Variants in PNPLA1 observed in about 807,000 individuals in gnomAD.
The protein encoded by PNPLA1 is omega-hydroxyceramide transacylase.
PNPLA1 carries 36 observed loss-of-function variants against 51.7 expected under a neutral mutation model. The ratio of observed to expected loss-of-function variants is 0.70; its 90% CI spans 0.53 to 0.92. The LOEUF is 0.92. PNPLA1 is among the 40% of genes least tolerant of loss of function. The pLI is 0.00. For synonymous variants in PNPLA1, 293 were observed against 280.1 expected, an observed-to-expected ratio of 1.05 and a Z score of -0.46; for missense variants, 658 against 682.5, an observed-to-expected ratio of 0.96 and a Z score of 0.40.
chr6:36,302,860 G>A (rs1771110636), intron 6 of PNPLA1, among the ~76,000 whole-genome samples: 1 of 152,166 alleles, frequency 6.6e-6, no homozygotes, highest in African/African-American at 2.4e-5. Flanking sequence ...TGGGCCAGTA[G>A]ATTTTTACTG....
intron 7 of PNPLA1, 40 bp downstream of exon 7, chr6:36,306,416 C>T (rs767621138): frequency 1.5e-5 from 24 of 1,551,464 alleles, no homozygotes; most frequent in South Asian, 9.3e-5. Context: ...TTCCTTTGGA[C>T]GGAAGAAGCA....
Position 36,245,841 on chromosome 6 carries a change from C to A in PNPLA1, c.-81+2580C>A, listed in dbSNP as rs187273959. ...TCATTGGCTGAGGAGGAAACCCAGGCTCCCTGACTCCCCGCACAGTTTCAC... is the reference window on the plus strand; with the variant it reads ...TCATTGGCTGAGGAGGAAACCCAGGATCCCTGACTCCCCGCACAGTTTCAC... On this transcript the variant is annotated intron_variant, in intron 1 of 7. Transcript: ENST00000312917. 4.1e-4 allele frequency among the ~76,000 whole-genome samples: 63 copies of A among 152,346 alleles called. No homozygotes were observed. In the East Asian group the frequency reaches 0.012, roughly 29 times the overall value.
intron 8 of PNPLA1, chr6:36,308,489 A>C (rs1212752036): frequency 6.6e-6 from 1 of 152,162 alleles, no homozygotes; most frequent in South Asian, 2.1e-4. Context: ...TAGCTTTTTG[A>C]CTATATTATG....
intron 5 of PNPLA1, among the ~76,000 whole-genome samples, chr6:36,301,078 G>A (rs1232071504): frequency 6.6e-6 from 1 of 151,926 alleles, no homozygotes; most frequent in African/African-American, 2.4e-5. Context: ...TCTTATTTAA[G>A]GGCTGTTATG....
chr6:36,266,785 G>T (rs773699612), upstream of PNPLA1, among the ~76,000 whole-genome samples: 18 of 152,236 alleles, frequency 1.2e-4, no homozygotes, highest in Non-Finnish European at 2.1e-4. Context: ...TAAGCTGGAA[G>T]TTAGGCCTCA....
In PNPLA1 at chr6:36,270,070, C is replaced by G. The variant is rs527324636; in HGVS notation, c.-390C>G. Among the ~76,000 whole-genome samples, 2 of 152,378 alleles carry G rather than the reference C, an allele frequency of 1.3e-5. No individual in the cohort carries two copies. The highest frequency in any genetic ancestry group is 3.9e-4 in the East Asian group (2 of 5,180). ...AGAGCCCGCCTCCTTGGGCATGGCC[C>G]TGTGCTGGGGAGCAGTGAATGCGCC... On this transcript the variant is annotated 5_prime_UTR_variant, in exon 1 of 9. Transcript: ENST00000636260.
intron 1 of PNPLA1, among the ~76,000 whole-genome samples, chr6:36,279,231 G>A (rs759663882): frequency 7.2e-5 from 11 of 152,194 alleles, no homozygotes; most frequent in Non-Finnish European, 1.3e-4. Context: ...CCCCTGCCCC[G>A]CAAATGTGTG....
upstream of PNPLA1, among the ~76,000 whole-genome samples, chr6:36,268,864 G>C (rs188032178): frequency 1.6e-4 from 24 of 152,254 alleles, no homozygotes; most frequent in East Asian, 4.4e-3. Context: ...TCCCAGGAAG[G>C]GGGCAGGGTC....
chr6:36,259,387 CTG>C (rs374032711), intron 1 of PNPLA1, among the ~76,000 whole-genome samples: 4 of 152,036 alleles, frequency 2.6e-5, no homozygotes, highest in African/African-American at 7.2e-5. Context: ...GCAGTTAAAA[CTG>C]TGTTTAAAGA....
At chr6:36,287,755 AACACACACAC>A (rs57750301) in intron 1 of PNPLA1, among the ~76,000 whole-genome samples, 8,641 of 148,400 alleles carry the variant, frequency 0.058, 765 homozygotes, top group African/African-American at 0.19. Flanking sequence ...GACAGACAGA[AACACACACAC>A]ACACACACAC....
intron 7 of PNPLA1, 66 bp downstream of exon 7, chr6:36,306,442 T>A (rs1366473064): frequency 7.1e-7 from 1 of 1,404,156 alleles, no homozygotes; most frequent in Non-Finnish European, 9.9e-7. Context: ...GGCTAAGCGA[T>A]ATCTTCCACC....
chr6:36,287,844 G>A (rs1770546992), intron 1 of PNPLA1, among the ~76,000 whole-genome samples: 1 of 152,080 alleles, frequency 6.6e-6, no homozygotes, highest in Non-Finnish European at 1.5e-5. Context: ...CCTTTGGTGT[G>A]TGGCTTCAGC....
At chr6:36,300,199 G>GAGAGAGAGAGAGAGAGAGAGAGAC in intron 5 of PNPLA1, among the ~76,000 whole-genome samples, 1 of 150,452 alleles carries the variant, frequency 6.6e-6, no homozygotes, top group East Asian at 2.0e-4. Flanking sequence ...GAGAGAGAGA[G>GAGAGAGAGAGAGAGAGAGAGAGAC]AGAGAGAGAG....
intron 6 of PNPLA1, among the ~76,000 whole-genome samples, chr6:36,303,374 T>C (rs1771134684): frequency 6.6e-6 from 1 of 152,136 alleles, no homozygotes; most frequent in South Asian, 2.1e-4. Flanking sequence ...ACTACAGGCG[T>C]GAGCCACCGC....
rs1770738529 is a variant in PNPLA1 at position 36,293,080 on chromosome 6, T to C, written c.458T>C (p.Phe153Ser). ...GCACAGGCCCTATACTGCAGCTGCT[T>C]CGTCCCGGTGTACTGTGGCCTCATC... The part of the protein sequence containing the change: ...ELIEALYCSC[F>S]VPVYCGLIPP... Residue 153 changes from phenylalanine (F) to serine (S), a missense_variant, in exon 3 of 9, where the codon TTC (phenylalanine) becomes TCC (serine). Phe to Ser is a radical substitution (Grantham distance 155, BLOSUM62 -2). Transcript: ENST00000636260. The C allele has an allele frequency of 6.2e-7, 1 of 1,613,928 alleles. No individual in the cohort carries two copies. The highest frequency in any genetic ancestry group is 1.7e-5 in the Admixed American group (1 of 59,988).
At chr6:36,290,329 A>G (rs2127343552) in intron 1 of PNPLA1, among the ~76,000 whole-genome samples, 1 of 152,372 alleles carries the variant, frequency 6.6e-6, no homozygotes, top group South Asian at 2.1e-4. Flanking sequence ...AGCAGGGGTC[A>G]GCAAAAAGCA....
intron 5 of PNPLA1, among the ~76,000 whole-genome samples, chr6:36,297,554 T>A (rs1330435292): frequency 6.6e-6 from 1 of 152,148 alleles, no homozygotes; most frequent in Non-Finnish European, 1.5e-5. Context: ...TCTCACAGCC[T>A]CTTTCTCCTC....
At position 36,313,251 on chromosome 6, in the gene PNPLA1, G is replaced by A. The variant is rs141242231; in HGVS notation, c.*1365G>A. Among the ~76,000 whole-genome samples, 7 of 152,246 alleles carry A rather than the reference G, an allele frequency of 4.6e-5. No homozygotes were observed. Among genetic ancestry groups the A allele is most frequent in the East Asian group, 1.9e-4 (1 of 5,180 alleles). ...GTTCACACCTCAGTGAAAATGTTCCGTGAGGAGGACAACTTCAGCCTCAAT... is the reference window on the plus strand; with the variant it reads ...GTTCACACCTCAGTGAAAATGTTCCATGAGGAGGACAACTTCAGCCTCAAT... On this transcript the variant is annotated 3_prime_UTR_variant, in exon 9 of 9. Coordinates refer to ENST00000636260, the MANE Select transcript of PNPLA1 (RefSeq NM_001374623.1).
upstream of PNPLA1, among the ~76,000 whole-genome samples, chr6:36,265,202 G>A (rs1432224588): frequency 6.6e-6 from 1 of 152,142 alleles, no homozygotes; most frequent in African/African-American, 2.4e-5. Flanking sequence ...TTAGCTGGGC[G>A]TTTTGGCACA....
Sources: gnomAD v4.1 joint callset for allele counts (sites outside exome capture counted in the v4.1 genomes callset) on GRCh38, gnomAD v4.1.1 for gene constraint, MANE v1.5 for transcripts, NCBI Gene and HGNC (gene_info 2026-07-23, HGNC 2026-07-21) for gene names.